The following RBFOX1 variants were observed in gnomAD, a reference collection of about 807,000 sequenced individuals.
The protein encoded by RBFOX1 is RNA binding protein fox-1 homolog 1.
A neutral mutation model predicts 57.7 loss-of-function variants in RBFOX1; 8 were observed. The observed-to-expected ratio is 0.14, with a 90% CI of 0.08 to 0.25. RBFOX1 has a LOEUF of 0.25. Ranked by LOEUF, RBFOX1 falls within the 10% of genes least tolerant of loss-of-function variation. RBFOX1 has a pLI of 1.00. For missense variants in RBFOX1, 611 were observed against 548.5 expected, an observed-to-expected ratio of 1.11 and a Z score of -1.14; for synonymous variants, 326 against 222.4, an observed-to-expected ratio of 1.47 and a Z score of -4.15.
chr16:5,888,043 C>G (rs965796298), intron 4 of RBFOX1, among the ~76,000 whole-genome samples: 1 of 152,192 alleles, frequency 6.6e-6, no homozygotes, highest in Non-Finnish European at 1.5e-5. Flanking sequence ...TGCAAGACAG[C>G]CTTCCTGCAA....
At position 6,819,733 on chromosome 16, in the gene RBFOX1, AACAAC is replaced by A. The variant is rs2090925763; in HGVS notation, c.-16+165086_-16+165090del. On this transcript the variant is annotated intron_variant, in intron 3 of 15. Transcript: ENST00000550418. ...AAAAAAAAAAAAAAAAAAAAAAAATAACAACACCAAAAGGTATATAGTATAACAGG... is the reference window on the plus strand; with the variant it reads ...AAAAAAAAAAAAAAAAAAAAAAAATAACCAAAAGGTATATAGTATAACAGG... Among the ~76,000 whole-genome samples, 3 of 77,328 alleles carry A rather than the reference AACAAC, an allele frequency of 3.9e-5. 1 individual carries two copies. The highest frequency in any genetic ancestry group is 1.4e-4 in the African/African-American group (3 of 20,898). The allele number at this position is 77,328 out of a possible 152,430, so 50.7% of individuals were successfully genotyped here.
chr16:6,957,611 T>C (rs2082143780), intron 3 of RBFOX1, among the ~76,000 whole-genome samples: 1 of 152,128 alleles, frequency 6.6e-6, no homozygotes, highest in Admixed American at 6.5e-5. Flanking sequence ...CAACCTGTTT[T>C]ATCAGCAAGG....
At chr16:7,210,354 G>A (rs904972742) in intron 4 of RBFOX1, among the ~76,000 whole-genome samples, 14 of 152,142 alleles carry the variant, frequency 9.2e-5, no homozygotes, top group African/African-American at 3.1e-4. Flanking sequence ...GGACCACACT[G>A]TGGTCCTCAA....
intron 3 of RBFOX1, among the ~76,000 whole-genome samples, chr16:5,694,210 G>T (rs562380714): frequency 9.2e-5 from 14 of 152,342 alleles, no homozygotes; most frequent in African/African-American, 2.6e-4. Flanking sequence ...TGGGGTATGT[G>T]TGCAAGCCTG....
At chr16:6,527,620 G>A (rs924958222) in intron 2 of RBFOX1, among the ~76,000 whole-genome samples, 2 of 152,066 alleles carry the variant, frequency 1.3e-5, no homozygotes, top group East Asian at 1.9e-4. Context: ...GCAATGATGT[G>A]GAAACCCCCT....
At chr16:6,170,653 C>G (rs75347408) in intron 1 of RBFOX1, among the ~76,000 whole-genome samples, 3,561 of 152,100 alleles carry the variant, frequency 0.023, 66 homozygotes, top group African/African-American at 0.047. Flanking sequence ...TAGGTAAACC[C>G]GTGTCACGGG....
intron 2 of RBFOX1, among the ~76,000 whole-genome samples, chr16:6,395,633 A>C (rs1486495339): frequency 1.3e-5 from 2 of 152,146 alleles, no homozygotes; most frequent in Admixed American, 6.5e-5. Context: ...GGATTATTGC[A>C]TCTTGGGAAA....
chr16:7,461,236 C>T (rs372004019), intron 4 of RBFOX1, among the ~76,000 whole-genome samples: 91 of 151,852 alleles, frequency 6.0e-4, no homozygotes, highest in South Asian at 2.7e-3. Flanking sequence ...GGCACTATCT[C>T]GGCTCACTGC....
intron 1 of RBFOX1, among the ~76,000 whole-genome samples, chr16:5,377,505 G>A (rs754253554): frequency 6.7e-6 from 1 of 150,270 alleles, no homozygotes; most frequent in East Asian, 1.9e-4. Context: ...TTGAAGGCTA[G>A]TATGGGTGTG....
chr16:6,915,266 T>C (rs1234565088), intron 3 of RBFOX1, among the ~76,000 whole-genome samples: 1 of 152,008 alleles, frequency 6.6e-6, no homozygotes, highest in Non-Finnish European at 1.5e-5. Context: ...ACTAATTCCC[T>C]CCAAGAAGGG....
rs181541437 is a variant in RBFOX1 at position 7,686,279 on chromosome 16, C to G, written c.995+9441C>G. Among the ~76,000 whole-genome samples, 8 of 151,902 alleles carry G rather than the reference C, an allele frequency of 5.3e-5. No homozygotes were observed. In the South Asian group the frequency reaches 6.2e-4, roughly 12 times the overall value. On this transcript the variant is annotated intron_variant, in intron 14 of 15. Transcript: ENST00000550418. ...CATTTGTTTTTGGTTGTTTTAAAAT[C>G]TTGACTTCTACCCTAGAAATATAAA...
intron 1 of RBFOX1, among the ~76,000 whole-genome samples, chr16:6,101,183 A>T (rs2096302918): frequency 6.6e-6 from 1 of 152,150 alleles, no homozygotes; most frequent in Non-Finnish European, 1.5e-5. Flanking sequence ...TATTTATGAG[A>T]ACATCTAAAG....
chr16:5,447,643 G>A (rs1310776287), intron 1 of RBFOX1, among the ~76,000 whole-genome samples: 3 of 152,172 alleles, frequency 2.0e-5, no homozygotes, highest in South Asian at 2.1e-4. Context: ...TGATCTGCCC[G>A]CCTCAGCCTC....
intron 4 of RBFOX1, among the ~76,000 whole-genome samples, chr16:7,468,226 C>T (rs776567652): frequency 2.0e-5 from 3 of 152,194 alleles, no homozygotes; most frequent in Non-Finnish European, 2.9e-5. Context: ...GAGCAAGCTC[C>T]TTTCTGCATA....
At chr16:5,923,861 A>G (rs1258654343) in intron 4 of RBFOX1, among the ~76,000 whole-genome samples, 2 of 152,076 alleles carry the variant, frequency 1.3e-5, no homozygotes, top group East Asian at 1.9e-4. Flanking sequence ...GTTTTTAGGC[A>G]TCATGACTTC....
At chr16:7,238,081 G>T (rs557826740) in intron 4 of RBFOX1, among the ~76,000 whole-genome samples, 10 of 152,298 alleles carry the variant, frequency 6.6e-5, no homozygotes, top group Non-Finnish European at 4.4e-5. Flanking sequence ...AAATGAGCTT[G>T]TCACAAAAGA....
At chr16:5,677,380 C>A (rs1295871771) in intron 3 of RBFOX1, among the ~76,000 whole-genome samples, 1 of 152,128 alleles carries the variant, frequency 6.6e-6, no homozygotes, top group African/African-American at 2.4e-5. Context: ...AAGAGATAGT[C>A]AAAGAATTCT....
chr16:5,324,649 C>G (rs1369378099), intron 1 of RBFOX1, among the ~76,000 whole-genome samples: 2 of 152,270 alleles, frequency 1.3e-5, no homozygotes, highest in African/African-American at 4.8e-5. Context: ...AAATCATGTC[C>G]TTTGCAGGAA....
intron 3 of RBFOX1, among the ~76,000 whole-genome samples, chr16:6,889,805 A>G (rs7187979): frequency 0.2 from 30,462 of 152,216 alleles, 3,272 homozygotes; most frequent in East Asian, 0.28. Context: ...TAGGAGTTCT[A>G]TAAGTTTCTT....
Sources: gnomAD v4.1 joint callset for allele counts (sites outside exome capture counted in the v4.1 genomes callset) on GRCh38, gnomAD v4.1.1 for gene constraint, MANE v1.5 for transcripts, NCBI Gene and HGNC (gene_info 2026-07-23, HGNC 2026-07-21) for gene names.